SGCD: variants seen among roughly 807,000 people sequenced by gnomAD.
SGCD encodes delta-sarcoglycan.
In SGCD, 18 loss-of-function variants were observed where a neutral mutation model predicts 36.6. The ratio of observed to expected loss-of-function variants is 0.49; its 90% confidence interval spans 0.34 to 0.73. SGCD has a LOEUF of 0.73. SGCD is among the 30% of genes least tolerant of loss of function. The pLI, the probability that SGCD is intolerant of heterozygous loss-of-function variation, is 0.01. For missense variants in SGCD, 387 were observed against 346.7 expected, an observed-to-expected ratio of 1.12 and a Z score of -0.92; for synonymous variants, 133 against 130.6, an observed-to-expected ratio of 1.02 and a Z score of -0.12.
intron 4 of SGCD, among the ~76,000 whole-genome samples, chr5:156,564,192 G>A (rs1416414287): frequency 6.6e-6 from 1 of 152,204 alleles, no homozygotes; most frequent in Non-Finnish European, 1.5e-5. Flanking sequence ...GCTCATGCCT[G>A]TAATCCCAGC....
At chr5:156,172,589 T>G (rs1172143270) in intron 3 of SGCD, among the ~76,000 whole-genome samples, 1 of 152,216 alleles carries the variant, frequency 6.6e-6, no homozygotes, top group Non-Finnish European at 1.5e-5. Flanking sequence ...ATCTCTTAAT[T>G]GAAATGTTAC....
intron 3 of SGCD, among the ~76,000 whole-genome samples, chr5:156,259,667 TCC>T (rs1465833253): frequency 6.6e-6 from 1 of 152,154 alleles, no homozygotes; most frequent in African/African-American, 2.4e-5. Flanking sequence ...TTTGAATATG[TCC>T]CCCACATTTC....
At chr5:155,974,997 C>T (rs1242668927) in intron 1 of SGCD, among the ~76,000 whole-genome samples, 1 of 152,144 alleles carries the variant, frequency 6.6e-6, no homozygotes, top group Non-Finnish European at 1.5e-5. Flanking sequence ...GAAATTGACT[C>T]CTCCTTCCCA....
chr5:155,839,938 C>CT, the SGCD span, among the ~76,000 whole-genome samples: 65,780 of 148,126 alleles, frequency 0.44, 15,975 homozygotes, highest in African/African-American at 0.68. Flanking sequence ...TTTGAAAACA[C>CT]TTTTTTTTTT....
At chr5:155,920,425 A>G (rs1756851307) in intron 1 of SGCD, among the ~76,000 whole-genome samples, 1 of 152,092 alleles carries the variant, frequency 6.6e-6, no homozygotes, top group African/African-American at 2.4e-5. Context: ...GGGGAGTATG[A>G]TGTTTTCTTG....
intron 4 of SGCD, among the ~76,000 whole-genome samples, chr5:156,544,029 A>T (rs1758459041): frequency 6.6e-6 from 1 of 152,186 alleles, no homozygotes; most frequent in African/African-American, 2.4e-5. Context: ...TCTGAATTAA[A>T]TCTCTTCTCT....
chr5:156,142,742 A>C (rs1477736714), intron 3 of SGCD, among the ~76,000 whole-genome samples: 1 of 152,220 alleles, frequency 6.6e-6, no homozygotes, highest in African/African-American at 2.4e-5. Context: ...GCAGCAAAAC[A>C]TTCAAGATTT....
intron 3 of SGCD, among the ~76,000 whole-genome samples, chr5:156,388,457 C>T (rs1345134888): frequency 6.6e-6 from 1 of 152,034 alleles, no homozygotes; most frequent in Non-Finnish European, 1.5e-5. Flanking sequence ...TCAGATGTGC[C>T]CAATCAGTTG....
intron 3 of SGCD, among the ~76,000 whole-genome samples, chr5:156,373,518 T>C (rs1770501478): frequency 6.6e-6 from 1 of 152,204 alleles, no homozygotes; most frequent in Non-Finnish European, 1.5e-5. Context: ...ACTTTGGAAA[T>C]TCACCAGGAT....
At chr5:155,995,833 A>C (rs989552802) in intron 1 of SGCD, among the ~76,000 whole-genome samples, 1 of 152,088 alleles carries the variant, frequency 6.6e-6, no homozygotes, top group African/African-American at 2.4e-5. Context: ...CCCCCGAGTG[A>C]GGAAAAAGTT....
intron 4 of SGCD, among the ~76,000 whole-genome samples, chr5:156,575,145 T>G (rs546941381): frequency 3.8e-4 from 58 of 152,214 alleles, no homozygotes; most frequent in Non-Finnish European, 7.3e-4. Flanking sequence ...TTGTCTGTAT[T>G]GCTATCTGTG....
At chr5:156,526,686 G>A (rs1424912772) in intron 4 of SGCD, among the ~76,000 whole-genome samples, 1 of 152,136 alleles carries the variant, frequency 6.6e-6, no homozygotes, top group Non-Finnish European at 1.5e-5. Context: ...TTCCCCAAAT[G>A]TATCTGTTTT....
chr5:156,425,606 G>A (rs371898263), intron 3 of SGCD, among the ~76,000 whole-genome samples: 24 of 151,222 alleles, frequency 1.6e-4, no homozygotes, highest in African/African-American at 5.8e-4. Context: ...GTTGTTTTTT[G>A]TTACATGGAT....
chr5:156,685,905 G>A (rs908663116), intron 7 of SGCD, among the ~76,000 whole-genome samples: 4 of 152,178 alleles, frequency 2.6e-5, no homozygotes, highest in Non-Finnish European at 5.9e-5. Flanking sequence ...AACAGACACT[G>A]GGGCTTTCCT....
At chr5:155,892,119 G>A (rs1221606248) in intron 1 of SGCD, among the ~76,000 whole-genome samples, 1 of 152,100 alleles carries the variant, frequency 6.6e-6, no homozygotes, top group Non-Finnish European at 1.5e-5. Context: ...TTGTCTTGGG[G>A]AGGTATTATA....
At chr5:155,886,536 GT>G (rs1183392998) in intron 1 of SGCD, among the ~76,000 whole-genome samples, 1 of 152,134 alleles carries the variant, frequency 6.6e-6, no homozygotes, top group South Asian at 2.1e-4. Flanking sequence ...GGGCGCGTGT[GT>G]GTGTGTGCAT....
At chr5:155,943,593 A>G (rs1322517096) in intron 1 of SGCD, among the ~76,000 whole-genome samples, 1 of 152,170 alleles carries the variant, frequency 6.6e-6, no homozygotes, top group Non-Finnish European at 1.5e-5. Flanking sequence ...CTCCAGAACT[A>G]TATTTTTCTG....
At chr5:156,279,237 G>T (rs1766387944) in intron 3 of SGCD, among the ~76,000 whole-genome samples, 1 of 152,094 alleles carries the variant, frequency 6.6e-6, no homozygotes, top group African/African-American at 2.4e-5. Context: ...AAAATCTTAA[G>T]TTCTTTTTTG....
At chr5:156,083,759 G>A (rs906404748) in intron 1 of SGCD, among the ~76,000 whole-genome samples, 1 of 151,786 alleles carries the variant, frequency 6.6e-6, no homozygotes, top group African/African-American at 2.4e-5. Context: ...TGTAAAGTGT[G>A]AGCTTTAGAT....
Sources: allele counts gnomAD v4.1 joint callset (sites outside exome capture counted in the v4.1 genomes callset), GRCh38; gene constraint gnomAD v4.1.1; transcripts MANE v1.5; gene names NCBI Gene and HGNC (gene_info 2026-07-23, HGNC 2026-07-21).